The following KIZ variants were observed in gnomAD, a reference collection of about 807,000 sequenced individuals.
The protein encoded by KIZ is centrosomal protein kizuna.
A neutral mutation model predicts 79.6 loss-of-function variants in KIZ; 68 were observed. That is an observed-to-expected ratio of 0.85 (90% confidence interval 0.70 to 1.05). KIZ has a LOEUF of 1.05. Among genes scored for constraint, KIZ ranks in the 50% least tolerant of loss-of-function variants. KIZ has a pLI of 0.00. For synonymous variants in KIZ, 280 were observed against 281.8 expected, an observed-to-expected ratio of 0.99 and a Z score of 0.06; for missense variants, 797 against 800.4, an observed-to-expected ratio of 1.00 and a Z score of 0.05.
At chr20:21,234,953 A>G (rs1430903403) in intron 11 of KIZ, among the ~76,000 whole-genome samples, 1 of 152,120 alleles carries the variant, frequency 6.6e-6, no homozygotes, top group Non-Finnish European at 1.5e-5. Context: ...TCATTAAGTA[A>G]TTGGTTTGCA....
intron 7 of KIZ, among the ~76,000 whole-genome samples, chr20:21,206,828 A>G (rs1039795873): frequency 6.6e-6 from 1 of 152,128 alleles, no homozygotes; most frequent in African/African-American, 2.4e-5. Context: ...CTGATTTGGG[A>G]GCTGGTGCCA....
intron 6 of KIZ, among the ~76,000 whole-genome samples, chr20:21,170,538 G>A (rs931237035): frequency 3.3e-5 from 5 of 151,956 alleles, no homozygotes; most frequent in South Asian, 2.1e-4. Flanking sequence ...ACAGGCACAC[G>A]CCACCATGCC....
intron 6 of KIZ, chr20:21,195,704 A>G (rs1034639924): frequency 1.3e-5 from 2 of 152,186 alleles, no homozygotes; most frequent in Non-Finnish European, 2.9e-5. Context: ...TGAATTAGTC[A>G]CCACATTTTA....
At chr20:21,205,275 C>G (rs981117825) in intron 6 of KIZ, among the ~76,000 whole-genome samples, 1 of 152,034 alleles carries the variant, frequency 6.6e-6, no homozygotes, top group Admixed American at 6.6e-5. Context: ...CTGTGTGCAG[C>G]AAAAGTTGAG....
At chr20:21,205,655 A>AT in intron 7 of KIZ, 71 bp downstream of exon 7, 4 of 578,162 alleles carry the variant, frequency 6.9e-6, no homozygotes, top group Non-Finnish European at 8.3e-6. Context: ...AGTAATTTTT[A>AT]TTTAAAAAAA....
chr20:21,166,401 G>A (rs2033940435), intron 6 of KIZ: 1 of 1,598,206 alleles, frequency 6.3e-7, no homozygotes, highest in Admixed American at 1.7e-5. Context: ...TAGCCTGCCT[G>A]TGAGGTTCAC....
At chr20:21,218,001 G>C (rs2123331501) in intron 9 of KIZ, 1 of 152,094 alleles carries the variant, frequency 6.6e-6, no homozygotes. Context: ...CTTGAGTTGT[G>C]GTGGCCACTT....
chr20:21,136,112 TC>T (rs948325915), intron 2 of KIZ, among the ~76,000 whole-genome samples: 73 of 152,308 alleles, frequency 4.8e-4, no homozygotes, highest in African/African-American at 1.7e-3. Context: ...GAGAAATAAA[TC>T]CATAGAAATC....
chr20:21,187,705 T>C (rs2034940783), intron 6 of KIZ, among the ~76,000 whole-genome samples: 1 of 152,206 alleles, frequency 6.6e-6, no homozygotes, highest in Non-Finnish European at 1.5e-5. Context: ...TTTTGTTTTA[T>C]GGTCCTGCGT....
intron 3 of KIZ, among the ~76,000 whole-genome samples, chr20:21,141,958 C>A (rs2032570620): frequency 6.6e-6 from 1 of 151,188 alleles, no homozygotes; most frequent in African/African-American, 2.4e-5. Context: ...TCCCTCTTAT[C>A]TCTCCCCTGT....
At chr20:21,143,812 C>T (rs1177490802) in intron 3 of KIZ, among the ~76,000 whole-genome samples, 1 of 152,174 alleles carries the variant, frequency 6.6e-6, no homozygotes, top group Non-Finnish European at 1.5e-5. Flanking sequence ...CTGTGGAAAA[C>T]TCCTGCTCTC....
chr20:21,162,172 TGCCAGTCACA>T lies in KIZ; in HGVS notation c.714_723del (p.Thr239TyrfsTer13). The T allele has an allele frequency of 6.2e-7, 1 of 1,611,212 alleles. No individual in the cohort carries two copies. Among genetic ancestry groups the T allele is most frequent in the Non-Finnish European group, 8.5e-7 (1 of 1,178,152 alleles). ...GCATCTCTTCAGATTGGTGAGAAAA[TGCCAGTCACA>T]GCCAGTGTATTGTCTGAGGAGGAAC... On this transcript the variant is annotated frameshift_variant, in exon 5 of 13. Coordinates refer to ENST00000619189, the MANE Select transcript of KIZ (RefSeq NM_018474.6). LOFTEE classifies it high-confidence loss of function.
chr20:21,244,154 A>C (rs1413136734), intron 11 of KIZ, 91 bp from the exon 12 acceptor site: 6 of 893,246 alleles, frequency 6.7e-6, no homozygotes, highest in Non-Finnish European at 1.1e-5. Context: ...CCAGTGAATC[A>C]AAGTGCTTCT....
At chr20:21,133,377 G>A (rs112298010) in intron 2 of KIZ, among the ~76,000 whole-genome samples, 199 of 152,354 alleles carry the variant, frequency 1.3e-3, no homozygotes, top group African/African-American at 4.4e-3. Flanking sequence ...GGCCTCAAGA[G>A]TGGGCCCAAG....
chr20:21,215,359 G>A (rs772560873), intron 8 of KIZ, among the ~76,000 whole-genome samples: 3 of 152,170 alleles, frequency 2.0e-5, no homozygotes, highest in South Asian at 2.1e-4. Flanking sequence ...GTTATTTTGC[G>A]TGAAAGCAGC....
intron 4 of KIZ, among the ~76,000 whole-genome samples, chr20:21,153,060 T>C (rs1490267452): frequency 6.6e-6 from 1 of 152,224 alleles, no homozygotes; most frequent in Non-Finnish European, 1.5e-5. Context: ...TATCTGAGTT[T>C]AAATCCTGGC....
intron 11 of KIZ, among the ~76,000 whole-genome samples, chr20:21,242,405 A>C (rs2037247711): frequency 2.0e-5 from 3 of 152,188 alleles, no homozygotes; most frequent in Admixed American, 1.3e-4. Flanking sequence ...CTCATTGCCT[A>C]GTGGAAAATG....
intron 11 of KIZ, among the ~76,000 whole-genome samples, chr20:21,236,474 A>G (rs1337494693): frequency 6.6e-6 from 1 of 152,216 alleles, no homozygotes; most frequent in Non-Finnish European, 1.5e-5. Context: ...TCTAAAGACT[A>G]TGTCTTATAA....
intron 6 of KIZ, among the ~76,000 whole-genome samples, chr20:21,201,406 C>T (rs528094204): frequency 6.6e-6 from 1 of 152,186 alleles, no homozygotes; most frequent in East Asian, 1.9e-4. Context: ...TTTCCAGGTG[C>T]AACTAATTCT....
Sources: allele counts gnomAD v4.1 joint callset (sites outside exome capture counted in the v4.1 genomes callset), GRCh38; gene constraint gnomAD v4.1.1; transcripts MANE v1.5; gene names NCBI Gene and HGNC (gene_info 2026-07-23, HGNC 2026-07-21).